Variants in CGNL1 observed in about 807,000 individuals in gnomAD.
CGNL1 encodes the protein cingulin like 1.
A neutral mutation model predicts 141.2 loss-of-function variants in CGNL1; 132 were observed. The observed-to-expected ratio is 0.93, with a 90% CI of 0.81 to 1.08. CGNL1 has a LOEUF of 1.08. Among genes scored for constraint, CGNL1 ranks in the 50% least tolerant of loss-of-function variants. CGNL1 has a pLI of 0.00. For synonymous variants in CGNL1, 690 were observed against 622.1 expected (o/e 1.11, Z -1.63); for missense variants, 1,870 against 1,588.6 (o/e 1.18, Z -3.01).
chr15:57,536,873 T>A (rs1350872315), intron 14 of CGNL1, among the ~76,000 whole-genome samples: 1 of 152,192 alleles, frequency 6.6e-6, no homozygotes, highest in Admixed American at 6.5e-5. Flanking sequence ...CGTCCCTGAA[T>A]GAGACTATGT....
In CGNL1 at chr15:57,528,821, T is replaced by C. The variant is rs1340986565; in HGVS notation, c.3201+6T>C. The C allele has an allele frequency of 2.0e-5, 32 of 1,613,042 alleles. No homozygotes were observed. In the East Asian group the frequency reaches 3.8e-4, roughly 19 times the overall value. ...GGCTGGTCAAGCAGATGGAGGTCTG[T>C]GGGCCGTACAGTGTGAGCTGGGGGA... On this transcript the variant is annotated splice_donor_region_variant and intron_variant, in intron 13 of 18. Coordinates refer to ENST00000281282, the MANE Select transcript of CGNL1 (RefSeq NM_032866.5).
At chr15:57,434,579 G>A (rs1174898182) in intron 1 of CGNL1, among the ~76,000 whole-genome samples, 1 of 152,070 alleles carries the variant, frequency 6.6e-6, no homozygotes, top group East Asian at 1.9e-4. Context: ...CCACCCCTGG[G>A]TATGCCATTA....
At chr15:57,428,777 C>A (rs2063009292) in intron 1 of CGNL1, among the ~76,000 whole-genome samples, 1 of 152,140 alleles carries the variant, frequency 6.6e-6, no homozygotes, top group Non-Finnish European at 1.5e-5. Flanking sequence ...GTATTCCCAG[C>A]ACTTTTGGAG....
At chr15:57,477,062 G>T (rs2063665707) in intron 8 of CGNL1, among the ~76,000 whole-genome samples, 1 of 152,138 alleles carries the variant, frequency 6.6e-6, no homozygotes. Flanking sequence ...TTTCTCAAGT[G>T]TGTGGTCTAG....
intron 16 of CGNL1, 85 bp downstream of exon 16, chr15:57,544,682 G>A: frequency 6.7e-7 from 1 of 1,486,380 alleles, no homozygotes; most frequent in South Asian, 1.3e-5. Flanking sequence ...TTTGGGATCT[G>A]TCCTGATCCT....
intron 8 of CGNL1, among the ~76,000 whole-genome samples, chr15:57,501,755 C>G (rs1332455781): frequency 6.6e-6 from 1 of 152,024 alleles, no homozygotes; most frequent in Non-Finnish European, 1.5e-5. Flanking sequence ...TTGGAGGCCC[C>G]TAGATGGGGA....
intron 1 of CGNL1, among the ~76,000 whole-genome samples, chr15:57,404,567 G>C (rs984791187): frequency 1.3e-5 from 2 of 152,108 alleles, no homozygotes; most frequent in South Asian, 4.1e-4. Context: ...TAGTGGCTTC[G>C]TTTAGTTATT....
chr15:57,489,831 A>G (rs1567149669), intron 8 of CGNL1, among the ~76,000 whole-genome samples: 2 of 152,348 alleles, frequency 1.3e-5, no homozygotes, highest in African/African-American at 4.8e-5. Context: ...AGTGACTGAG[A>G]TACTACTAAC....
At chr15:57,525,433 A>G (rs1197339407) in intron 12 of CGNL1, among the ~76,000 whole-genome samples, 1 of 152,246 alleles carries the variant, frequency 6.6e-6, no homozygotes, top group South Asian at 2.1e-4. Context: ...CCTCTTGCCA[A>G]CTGGGTCACC....
At chr15:57,430,055 C>T (rs1355650312) in intron 1 of CGNL1, among the ~76,000 whole-genome samples, 1 of 152,234 alleles carries the variant, frequency 6.6e-6, no homozygotes, top group African/African-American at 2.4e-5. Flanking sequence ...AAGTGACCCA[C>T]CTGCCTCAGC....
intron 8 of CGNL1, among the ~76,000 whole-genome samples, chr15:57,497,375 G>C (rs1463968047): frequency 2.0e-5 from 3 of 147,286 alleles, no homozygotes; most frequent in African/African-American, 7.5e-5. Context: ...GGTAGGGGGA[G>C]CAGGGTGGGG....
intron 8 of CGNL1, among the ~76,000 whole-genome samples, chr15:57,472,994 A>G (rs72739733): frequency 0.14 from 21,615 of 152,192 alleles, 1,546 homozygotes; most frequent in Middle Eastern, 0.19. Context: ...TCTCTGAGCC[A>G]TCCATGGACA....
intron 10 of CGNL1, among the ~76,000 whole-genome samples, chr15:57,520,450 C>T (rs2031173149): frequency 6.6e-6 from 1 of 152,166 alleles, no homozygotes; most frequent in Admixed American, 6.5e-5. Context: ...TACATAGTAG[C>T]TGAAGACGCT....
chr15:57,400,621 G>A (rs1422315125), intron 1 of CGNL1, among the ~76,000 whole-genome samples: 1 of 152,104 alleles, frequency 6.6e-6, no homozygotes, highest in Non-Finnish European at 1.5e-5. Flanking sequence ...GGTGGCTCAT[G>A]CCTGTAATCT....
At chr15:57,501,836 G>C (rs1451995110) in intron 8 of CGNL1, among the ~76,000 whole-genome samples, 2 of 152,158 alleles carry the variant, frequency 1.3e-5, no homozygotes, top group Non-Finnish European at 2.9e-5. Flanking sequence ...GCAGTGCCCT[G>C]ACTGCCACCG....
chr15:57,410,057 C>T (rs1475961779), intron 1 of CGNL1, among the ~76,000 whole-genome samples: 2 of 152,160 alleles, frequency 1.3e-5, no homozygotes, highest in East Asian at 1.9e-4. Context: ...GGGTTCTGAC[C>T]AGTGAGGACT....
chr15:57,530,473 A>G (rs2140172206), intron 13 of CGNL1, among the ~76,000 whole-genome samples: 1 of 152,286 alleles, frequency 6.6e-6, no homozygotes, highest in South Asian at 2.1e-4. Flanking sequence ...CTTCACTAGC[A>G]CTTAAATTAA....
In CGNL1 at chr15:57,544,494, A is replaced by G; in HGVS notation, c.3397A>G (p.Ile1133Val). 6.2e-7 allele frequency: 1 copy of G among 1,614,054 alleles called. No individual in the cohort carries two copies. The highest frequency in any genetic ancestry group is 8.5e-7 in the Non-Finnish European group (1 of 1,179,990). ...ERQNKDLKSR[I>V]IHLEGSYRSS... The stretch of plus-strand genomic sequence containing the variant: ...CCAGAACAAGGACTTAAAGAGCCGG[A>G]TTATCCACCTGGAAGGTTCCTACAG... The change falls in exon 16 of 19, where the codon ATT becomes GTT. Residue 1133 changes from isoleucine to valine, a missense_variant. Physicochemically the swap from Ile to Val is conservative, Grantham distance 29. Coordinates refer to ENST00000281282, the MANE Select transcript of CGNL1 (RefSeq NM_032866.5).
chr15:57,545,500 C>T, intron 16 of CGNL1, 92 bp from the exon 17 acceptor site: 1 of 1,151,546 alleles, frequency 8.7e-7, no homozygotes, highest in Non-Finnish European at 1.3e-6. Context: ...CCAGGCACCC[C>T]TGGCTGGAGC....
Sources: allele counts gnomAD v4.1 joint callset (sites outside exome capture counted in the v4.1 genomes callset), GRCh38; gene constraint gnomAD v4.1.1; transcripts MANE v1.5; gene names NCBI Gene and HGNC (gene_info 2026-07-23, HGNC 2026-07-21).